TAF4B: variants seen among roughly 807,000 people sequenced by gnomAD.
The protein encoded by TAF4B is TATA-box binding protein associated factor 4b.
Under a neutral mutation model 86.4 loss-of-function variants are expected in TAF4B, and 38 were observed. The ratio of observed to expected loss-of-function variants is 0.44; its 90% CI spans 0.34 to 0.58. The LOEUF is 0.58. Ranked by LOEUF, TAF4B falls within the 20% of genes least tolerant of loss-of-function variation. The pLI is 0.02. For synonymous variants in TAF4B, 388 were observed against 391.2 expected, an observed-to-expected ratio of 0.99 and a Z score of 0.10; for missense variants, 988 against 1,027.6, an observed-to-expected ratio of 0.96 and a Z score of 0.53.
chr18:26,320,532 C>G (rs924731679), intron 10 of TAF4B, among the ~76,000 whole-genome samples: 4 of 152,050 alleles, frequency 2.6e-5, no homozygotes, highest in African/African-American at 9.7e-5. Context: ...TGTAAATTGA[C>G]TACTAAGTGA....
At chr18:26,377,717 C>T (rs953579653) in intron 14 of TAF4B, among the ~76,000 whole-genome samples, 2 of 152,172 alleles carry the variant, frequency 1.3e-5, no homozygotes, top group Admixed American at 1.3e-4. Flanking sequence ...GGGCCATTCA[C>T]CAGGTCTGTT....
chr18:26,380,648 T>C (rs1325267105), intron 14 of TAF4B, among the ~76,000 whole-genome samples: 1 of 152,242 alleles, frequency 6.6e-6, no homozygotes, highest in Admixed American at 6.5e-5. Flanking sequence ...AGTTTTATTT[T>C]AGTGCTTTGC....
At chr18:26,383,143 T>A (rs1978300287) in intron 14 of TAF4B, among the ~76,000 whole-genome samples, 1 of 152,236 alleles carries the variant, frequency 6.6e-6, no homozygotes, top group Admixed American at 6.5e-5. Flanking sequence ...GGTGTGGTCA[T>A]GGATGGCCAT....
intron 9 of TAF4B, among the ~76,000 whole-genome samples, chr18:26,300,358 A>G (rs28405699): frequency 0.11 from 16,812 of 148,424 alleles, 984 homozygotes; most frequent in African/African-American, 0.14. Flanking sequence ...TTAAAATTAT[A>G]CATTTCCTCA....
chr18:26,249,499 C>T (rs538870382), intron 1 of TAF4B, among the ~76,000 whole-genome samples: 18 of 151,810 alleles, frequency 1.2e-4, no homozygotes, highest in East Asian at 7.8e-4. Flanking sequence ...AGATCATTTA[C>T]GGTGAATTGA....
At chr18:26,378,181 C>T (rs991865574) in intron 14 of TAF4B, among the ~76,000 whole-genome samples, 4 of 151,950 alleles carry the variant, frequency 2.6e-5, no homozygotes, top group African/African-American at 9.7e-5. Flanking sequence ...TGGCTTGGGG[C>T]CAGCAGTACT....
intron 13 of TAF4B, among the ~76,000 whole-genome samples, chr18:26,336,365 G>A (rs866331388): frequency 1.3e-5 from 2 of 152,094 alleles, no homozygotes; most frequent in African/African-American, 2.4e-5. Flanking sequence ...ATTTATGAAC[G>A]TTTTAAAGGC....
intron 13 of TAF4B, among the ~76,000 whole-genome samples, chr18:26,346,813 ATATG>A (rs1415148472): frequency 0.015 from 373 of 24,728 alleles, 38 homozygotes; most frequent in East Asian, 0.045. Flanking sequence ...ATATATATAT[ATATG>A]TGTGTGTATA....
chr18:26,327,856 G>C (rs1024872585), intron 12 of TAF4B, among the ~76,000 whole-genome samples: 1 of 152,222 alleles, frequency 6.6e-6, no homozygotes, highest in Non-Finnish European at 1.5e-5. Context: ...AAAGTTTTGG[G>C]ATTACAGGCG....
intron 11 of TAF4B, among the ~76,000 whole-genome samples, chr18:26,326,372 A>C (rs56322765): frequency 1.3e-5 from 2 of 152,174 alleles, no homozygotes; most frequent in African/African-American, 4.8e-5. Context: ...TCATTTATAA[A>C]TTGTATACTA....
intron 6 of TAF4B, among the ~76,000 whole-genome samples, chr18:26,283,937 C>G (rs1359808767): frequency 6.6e-6 from 1 of 152,002 alleles, no homozygotes; most frequent in Non-Finnish European, 1.5e-5. Flanking sequence ...GCCTATAGTC[C>G]CAGCTACTTG....
intron 1 of TAF4B, among the ~76,000 whole-genome samples, chr18:26,227,477 G>A (rs1222674143): frequency 6.6e-6 from 1 of 152,156 alleles, no homozygotes; most frequent in Non-Finnish European, 1.5e-5. Flanking sequence ...TCACCTAAGT[G>A]ATACAGTAAA....
At chr18:26,385,936 A>G (rs949255800) in intron 14 of TAF4B, among the ~76,000 whole-genome samples, 2 of 152,184 alleles carry the variant, frequency 1.3e-5, no homozygotes, top group African/African-American at 4.8e-5. Flanking sequence ...TGGCCAGGTC[A>G]TTGTGATTGA....
chr18:26,269,543 C>T (rs186204173), intron 3 of TAF4B, among the ~76,000 whole-genome samples: 1 of 152,254 alleles, frequency 6.6e-6, no homozygotes, highest in Non-Finnish European at 1.5e-5. Flanking sequence ...ACCTGGAATC[C>T]CATGCTAGTA....
intron 13 of TAF4B, among the ~76,000 whole-genome samples, chr18:26,341,552 A>T (rs1304253465): frequency 6.6e-6 from 1 of 152,194 alleles, no homozygotes; most frequent in Non-Finnish European, 1.5e-5. Context: ...AATTGAGATT[A>T]TGAGGAATAT....
At chr18:26,349,098 A>T (rs901395173) in intron 13 of TAF4B, 13 of 152,192 alleles carry the variant, frequency 8.5e-5, no homozygotes, top group Non-Finnish European at 1.9e-4. Flanking sequence ...GGATTTTTTT[A>T]AAAATAAATT....
intron 14 of TAF4B, among the ~76,000 whole-genome samples, chr18:26,360,861 A>G (rs1018230136): frequency 2.0e-5 from 3 of 152,198 alleles, no homozygotes; most frequent in African/African-American, 4.8e-5. Flanking sequence ...TTTTGAAAAT[A>G]TTTGTGTCTG....
In TAF4B at chr18:26,227,026, G is replaced by A; in HGVS notation, c.93G>A (p.Leu31=). Residue 31 remains leucine (L), a synonymous_variant, in exon 1 of 15, where the codon CTG becomes CTA. Coordinates refer to ENST00000269142, the MANE Select transcript of TAF4B (RefSeq NM_005640.3). ...GTVTMAPAGA[L]PVRVESTPVA... is the part of the protein sequence containing the mutation. ...TGACCATGGCCCCGGCCGGGGCGCT[G>A]CCGGTGCGGGTGGAGAGCACTCCGG... 1.3e-6 allele frequency: 2 copies of A among 1,492,570 alleles called. No homozygotes were observed. The highest frequency in any genetic ancestry group is 1.8e-6 in the Non-Finnish European group (2 of 1,135,258). The allele number at this position is 1,492,570 out of a possible 1,614,324, so 92.5% of individuals were successfully genotyped here. A position where few individuals can be genotyped will look rare whatever the true frequency, so the allele number is the denominator to read the frequency against.
In TAF4B at chr18:26,292,386, A is replaced by T. The variant is rs762211847; in HGVS notation, c.1726+5A>T. ...CTACTAGTCAGTTTCCTCCAGGTAG[A>T]TGCTGGTCCATCTCAGTCCCATCAT... is the stretch of plus-strand genomic sequence containing the variant. On this transcript the variant is annotated splice_donor_5th_base_variant and intron_variant, in intron 8 of 14. Transcript: ENST00000269142. 6.2e-7 allele frequency: 1 copy of T among 1,610,180 alleles called. No individual in the cohort carries two copies. Among genetic ancestry groups the T allele is most frequent in the Admixed American group, 1.7e-5 (1 of 59,252 alleles).
Sources: gnomAD v4.1 joint callset for allele counts (sites outside exome capture counted in the v4.1 genomes callset) on GRCh38, gnomAD v4.1.1 for gene constraint, MANE v1.5 for transcripts, NCBI Gene and HGNC (gene_info 2026-07-23, HGNC 2026-07-21) for gene names.